The following CCDC171 variants were observed in gnomAD, a reference collection of about 807,000 sequenced individuals.
The protein encoded by CCDC171 is coiled-coil domain-containing protein 171.
A neutral mutation model predicts 168.2 loss-of-function variants in CCDC171; 177 were observed. The ratio of observed to expected loss-of-function variants is 1.05; its 90% confidence interval spans 0.93 to 1.19. The LOEUF (loss-of-function observed/expected upper bound fraction) is 1.19. CCDC171 is among the 50% of genes most tolerant of loss of function. The probability of loss-of-function intolerance (pLI) is 0.00; values close to 1 mark genes in which losing one functional copy is unlikely to be tolerated. For missense variants in CCDC171, 1,991 were observed against 1,539.0 expected (o/e 1.29, Z -4.91); for synonymous variants, 687 against 540.8 (o/e 1.27, Z -3.75).
chr9:15,779,069 C>T lies in CCDC171; in HGVS notation c.3000C>T (p.Phe1000=), dbSNP rs1369018472. 1.2e-6 allele frequency: 2 copies of T among 1,605,120 alleles called. No homozygotes were observed. The highest frequency in any genetic ancestry group is 2.3e-5 in the South Asian group (2 of 88,260). The change falls in exon 20 of 26, where the codon TTC becomes TTT. Residue 1000 remains phenylalanine (F), a synonymous_variant. Coordinates refer to ENST00000380701, the MANE Select transcript of CCDC171 (RefSeq NM_173550.4). ...CACTACGCTTAGAGGTCACAGAATT[C>T]AAACGAAGTGTGAATGAAATGAAAA... ...RRSLRLEVTE[F]KRSVNEMKKE...
At chr9:15,934,038 A>G (rs975305951) in intron 25 of CCDC171, among the ~76,000 whole-genome samples, 1 of 152,018 alleles carries the variant, frequency 6.6e-6, no homozygotes, top group Non-Finnish European at 1.5e-5. Context: ...AATCCCTGAT[A>G]TCCATACTAT....
intron 21 of CCDC171, among the ~76,000 whole-genome samples, chr9:15,833,901 G>A (rs139366492): frequency 3.3e-4 from 51 of 152,250 alleles, no homozygotes; most frequent in Non-Finnish European, 6.3e-4. Flanking sequence ...AATTAGTGGA[G>A]CAAGGACCTG....
intron 3 of CCDC171, among the ~76,000 whole-genome samples, chr9:15,988,923 C>T (rs985962262): frequency 3.9e-5 from 6 of 152,258 alleles, no homozygotes; most frequent in South Asian, 2.1e-4. Flanking sequence ...GTAAACAAAG[C>T]GGCCGGGAAG....
At chr9:15,733,620 C>A (rs190195161) in intron 16 of CCDC171, among the ~76,000 whole-genome samples, 237 of 151,450 alleles carry the variant, frequency 1.6e-3, no homozygotes, top group African/African-American at 5.5e-3. Flanking sequence ...CTTGTCTGTT[C>A]CATTTATTTA....
intron 14 of CCDC171, among the ~76,000 whole-genome samples, chr9:15,726,995 G>C (rs995083723): frequency 6.6e-6 from 1 of 152,094 alleles, no homozygotes; most frequent in Non-Finnish European, 1.5e-5. Flanking sequence ...GTTCAAATGT[G>C]ATCTGCTTTA....
chr9:15,997,008 T>G (rs2987036), intron 3 of CCDC171, among the ~76,000 whole-genome samples: 113,799 of 151,952 alleles, frequency 0.75, 44,511 homozygotes, highest in East Asian at 0.96. Flanking sequence ...TGTGTCAGTT[T>G]GGGTCATTTG....
At chr9:15,650,050 C>T (rs931717388) in intron 7 of CCDC171, among the ~76,000 whole-genome samples, 2 of 152,110 alleles carry the variant, frequency 1.3e-5, no homozygotes, top group Non-Finnish European at 2.9e-5. Context: ...AGATATACAC[C>T]ATGGAATACT....
At chr9:15,881,857 C>T (rs986804793) in intron 24 of CCDC171, among the ~76,000 whole-genome samples, 1 of 152,166 alleles carries the variant, frequency 6.6e-6, no homozygotes, top group African/African-American at 2.4e-5. Flanking sequence ...TATTAACGGC[C>T]ACTTAGGCTG....
intron 11 of CCDC171, among the ~76,000 whole-genome samples, chr9:15,708,581 T>G (rs2133987178): frequency 6.6e-6 from 1 of 152,200 alleles, no homozygotes. Context: ...ACCATCTCCG[T>G]GTAACTCCCA....
At position 15,817,213 on chromosome 9, in the gene CCDC171, G is replaced by A. The variant is rs1020840136; in HGVS notation, c.3268-29489G>A. Among the ~76,000 whole-genome samples, 3 of 117,896 alleles carry A rather than the reference G, an allele frequency of 2.5e-5. 1 individual carries two copies. The highest frequency in any genetic ancestry group is 3.8e-5 in the Non-Finnish European group (2 of 52,414). 77.3% of individuals were successfully genotyped at this position (117,896 alleles called of 152,430 possible). On this transcript the variant is annotated intron_variant, in intron 21 of 25. Transcript: ENST00000380701. ...CAGATAAGAAAAGGTGTACAGTGGG[G>A]TGGAGCCAAGATGGCCAAATAGGAA...
intron 11 of CCDC171, among the ~76,000 whole-genome samples, chr9:15,701,485 A>G (rs1344473475): frequency 6.6e-6 from 1 of 151,870 alleles, no homozygotes; most frequent in Non-Finnish European, 1.5e-5. Context: ...ACAGTGATGA[A>G]GTTTGCTCCG....
chr9:15,737,868 T>A (rs2054598208), intron 16 of CCDC171, among the ~76,000 whole-genome samples: 1 of 152,220 alleles, frequency 6.6e-6, no homozygotes, highest in African/African-American at 2.4e-5. Flanking sequence ...ACTGCCAAAC[T>A]GTTTTTGAAA....
At chr9:15,597,327 G>C (rs199715136) in intron 6 of CCDC171, among the ~76,000 whole-genome samples, 29 of 152,104 alleles carry the variant, frequency 1.9e-4, no homozygotes, top group Middle Eastern at 6.8e-3. Flanking sequence ...CCCATCAATA[G>C]CTAATTTATT....
chr9:15,666,158 G>A lies in CCDC171; in HGVS notation c.916-5G>A, dbSNP rs202229183. ...TGATTTAATTACTTGTCTGTCGTCC[G>A]GTAGTTACGGATTCGAGACCTTGAA... On this transcript the variant is annotated splice_region_variant and splice_polypyrimidine_tract_variant and intron_variant, in intron 8 of 25. Coordinates refer to ENST00000380701, the MANE Select transcript of CCDC171 (RefSeq NM_173550.4). The A allele has an allele frequency of 8.7e-6, 14 of 1,612,516 alleles. No homozygotes were observed. Among genetic ancestry groups the A allele is most frequent in the East Asian group, 4.5e-5 (2 of 44,828 alleles).
chr9:15,798,854 C>CT (rs2058682486), intron 21 of CCDC171, among the ~76,000 whole-genome samples: 1 of 151,792 alleles, frequency 6.6e-6, no homozygotes, highest in Admixed American at 6.6e-5. Context: ...AGGTATTTCT[C>CT]TTTTTTACTT....
intron 1 of CCDC171, among the ~76,000 whole-genome samples, chr9:16,052,633 A>C (rs946924267): frequency 6.6e-6 from 1 of 152,162 alleles, no homozygotes; most frequent in Non-Finnish European, 1.5e-5. Context: ...CTTAAGAGTT[A>C]ATCATGGGCC....
At chr9:15,785,197 GA>G (rs1447569302) in intron 21 of CCDC171, among the ~76,000 whole-genome samples, 1 of 152,090 alleles carries the variant, frequency 6.6e-6, no homozygotes, top group Non-Finnish European at 1.5e-5. Flanking sequence ...AGGAAAAAGA[GA>G]AGCTATCATT....
At chr9:15,848,833 TGTGTAACA>T (rs1554647337) in intron 22 of CCDC171, 52 bp from the exon 23 acceptor site, 2 of 877,990 alleles carry the variant, frequency 2.3e-6, no homozygotes, top group Non-Finnish European at 3.6e-6. Context: ...TATACTAAAA[TGTGTAACA>T]GTTGTAGTAA....
intron 23 of CCDC171, among the ~76,000 whole-genome samples, chr9:15,868,895 A>T (rs1438324816): frequency 6.6e-6 from 1 of 151,990 alleles, no homozygotes; most frequent in East Asian, 1.9e-4. Flanking sequence ...CCTTCTGTGG[A>T]TACCAATATC....
Sources: allele counts gnomAD v4.1 joint callset (sites outside exome capture counted in the v4.1 genomes callset), GRCh38; gene constraint gnomAD v4.1.1; transcripts MANE v1.5; gene names NCBI Gene and HGNC (gene_info 2026-07-23, HGNC 2026-07-21).